The following QSER1 variants were observed in gnomAD, a reference collection of about 807,000 sequenced individuals.
QSER1 encodes glutamine and serine-rich protein 1.
QSER1 carries 49 observed loss-of-function variants against 158.5 expected under a neutral mutation model. The ratio of observed to expected loss-of-function variants is 0.31; its 90% CI spans 0.25 to 0.39. The LOEUF (loss-of-function observed/expected upper bound fraction) is 0.39, where lower values mean the gene tolerates loss of function less well. Ranked by LOEUF, QSER1 falls within the 10% of genes least tolerant of loss-of-function variation. The probability of loss-of-function intolerance (pLI) is 1.00; values close to 1 mark genes in which losing one functional copy is unlikely to be tolerated. For missense variants in QSER1, 1,754 were observed against 2,010.3 expected (o/e 0.87, Z 2.44); for synonymous variants, 650 against 715.5 (o/e 0.91, Z 1.46).
At chr11:32,974,218 C>T (rs984162895) in intron 11 of QSER1, among the ~76,000 whole-genome samples, 3 of 152,092 alleles carry the variant, frequency 2.0e-5, no homozygotes, top group African/African-American at 4.8e-5. Flanking sequence ...TCCAGGTGTT[C>T]GAGACCAGTC....
intron 1 of QSER1, among the ~76,000 whole-genome samples, chr11:32,922,410 A>G (rs1335167696): frequency 1.3e-5 from 2 of 151,994 alleles, no homozygotes; most frequent in Non-Finnish European, 2.9e-5. Flanking sequence ...ATATTTCAGT[A>G]GTACTTTTAC....
In QSER1 at chr11:32,931,739, A is replaced by G. The variant is rs1852049070; in HGVS notation, c.485-4A>G. 1 of 1,568,210 alleles carries G rather than the reference A, an allele frequency of 6.4e-7. No homozygotes were observed. The highest frequency in any genetic ancestry group is 8.6e-7 in the Non-Finnish European group (1 of 1,160,958). ...ATAAAAATCTTTGTGCCTTTTCTTCATAGGCATGCATTCCTCAGCAGCAAC... is the reference window on the plus strand; with the variant it reads ...ATAAAAATCTTTGTGCCTTTTCTTCGTAGGCATGCATTCCTCAGCAGCAAC... On this transcript the variant is annotated splice_polypyrimidine_tract_variant and splice_region_variant and intron_variant, in intron 3 of 12. Coordinates refer to ENST00000650167, the MANE Select transcript of QSER1 (RefSeq NM_001076786.3).
rs530216602 is a variant in QSER1 at position 32,979,742 on chromosome 11, A to G, written c.*3268A>G. On this transcript the variant is annotated 3_prime_UTR_variant, in exon 13 of 13. Coordinates refer to ENST00000650167, the MANE Select transcript of QSER1 (RefSeq NM_001076786.3). ...AAGTGTGATTTTCCTTTTAATATAC[A>G]TATTTATTTTCTTTAAAGCAGCTAT... 6.6e-6 allele frequency: 1 copy of G among 152,308 alleles called. No individual in the cohort carries two copies. Among genetic ancestry groups the G allele is most frequent in the East Asian group, 1.9e-4 (1 of 5,190 alleles). 9.4% of individuals were successfully genotyped at this position (152,308 alleles called of 1,614,324 possible). A position where few individuals can be genotyped will look rare whatever the true frequency, so the allele number is the denominator to read the frequency against.
At position 32,927,957 on chromosome 11, in the gene QSER1, T is replaced by G; in HGVS notation, c.323-5T>G. ...CTTTGGGATATATTTTATCTTCAAA[T>G]TTAGGTCTTTCTGGAATATTTGATA... is the stretch of plus-strand genomic sequence containing the variant. On this transcript the variant is annotated splice_region_variant and splice_polypyrimidine_tract_variant and intron_variant, in intron 2 of 12. Coordinates refer to ENST00000650167, the MANE Select transcript of QSER1 (RefSeq NM_001076786.3). 1.3e-6 allele frequency: 1 copy of G among 749,348 alleles called. No homozygotes were observed. The highest frequency in any genetic ancestry group is 2.2e-6 in the Non-Finnish European group (1 of 462,682). The allele number at this position is 749,348 out of a possible 1,614,324, so 46.4% of individuals were successfully genotyped here.
chr11:32,949,088 A>G (rs1852382704), intron 4 of QSER1, among the ~76,000 whole-genome samples: 1 of 152,154 alleles, frequency 6.6e-6, no homozygotes, highest in Non-Finnish European at 1.5e-5. Flanking sequence ...ATCATCATTA[A>G]TAGTCTTTTA....
rs751559220 is a variant in QSER1 at position 32,958,030 on chromosome 11, C to T, written c.4913C>T (p.Ser1638Leu). The T allele has an allele frequency of 6.2e-7, 1 of 1,614,108 alleles. No homozygotes were observed. Among genetic ancestry groups the T allele is most frequent in the East Asian group, 2.2e-5 (1 of 44,854 alleles). ...KKRKKWKEEFSSSQSDSSPEI... is the reference protein window; with the variant it reads ...KKRKKWKEEFLSSQSDSSPEI... The stretch of plus-strand genomic sequence containing the variant: ...CGGAAAAAATGGAAAGAAGAATTTT[C>T]ATCATCCCAATCTGACTCATCTCCT... The change falls in exon 8 of 13, where the codon TCA (serine) becomes TTA (leucine). Residue 1638 changes from serine to leucine, a missense_variant. This residue lies in a region of QSER1 where 1,707 missense variants were observed against 1,919.6 expected (regional missense o/e 0.89). Transcript: ENST00000650167.
intron 1 of QSER1, among the ~76,000 whole-genome samples, chr11:32,910,000 G>A (rs1012944301): frequency 8.5e-5 from 13 of 152,140 alleles, no homozygotes; most frequent in Admixed American, 8.5e-4. Context: ...ATGAAATCCA[G>A]ACTCATTGTG....
chr11:32,929,226 C>T (rs1679618562), intron 3 of QSER1, among the ~76,000 whole-genome samples: 1 of 152,098 alleles, frequency 6.6e-6, no homozygotes, highest in Admixed American at 6.6e-5. Flanking sequence ...ATTCTTGTGC[C>T]TCAGCCTCCT....
In QSER1 at chr11:32,924,030, C is replaced by T. The variant is rs201381940; in HGVS notation, c.210-3127C>T. ...CAAATTATACCTAATTTTTAAAAAG[C>T]GAAAATGTGAAAAATTTGAACCTTG... On this transcript the variant is annotated intron_variant, in intron 1 of 12. Transcript: ENST00000650167. Among the ~76,000 whole-genome samples, 38 of 152,134 alleles carry T rather than the reference C, an allele frequency of 2.5e-4. No individual in the cohort carries two copies. The East Asian group carries it at 6.4e-3, about 26-fold the overall frequency.
Position 32,893,055 on chromosome 11 carries a change from T to TC in QSER1, c.-71_-70insC, listed in dbSNP as rs1851502743. ...CTCTTCCTCCCCCGCCCCCTCTCCCTGCCCGCCCCCGTCACACGGAGCCCT... is the reference window on the plus strand; with the variant it reads ...CTCTTCCTCCCCCGCCCCCTCTCCCTCGCCCGCCCCCGTCACACGGAGCCCT... On this transcript the variant is annotated 5_prime_UTR_variant, in exon 1 of 13. Transcript: ENST00000650167. The surrounding 1 kb of genome is among the most constrained non-coding windows in gnomAD (Gnocchi z 4.7). 1.0e-4 allele frequency: 1 copy of TC among 9,730 alleles called. No homozygotes were observed. Among genetic ancestry groups the TC allele is most frequent in the Non-Finnish European group, 2.2e-4 (1 of 4,630 alleles). 0.6% of individuals were successfully genotyped at this position (9,730 alleles called of 1,614,324 possible).
chr11:32,921,233 A>G (rs1289899049), intron 1 of QSER1, among the ~76,000 whole-genome samples: 1 of 152,250 alleles, frequency 6.6e-6, no homozygotes, highest in Non-Finnish European at 1.5e-5. Context: ...TTAGTGAAAG[A>G]AGCCAGTCAT....
chr11:32,931,735 C>A lies in QSER1; in HGVS notation c.485-8C>A. On this transcript the variant is annotated splice_polypyrimidine_tract_variant and splice_region_variant and intron_variant, in intron 3 of 12. Transcript: ENST00000650167. ...TTACATAAAAATCTTTGTGCCTTTT[C>A]TTCATAGGCATGCATTCCTCAGCAG... 6.4e-7 allele frequency: 1 copy of A among 1,562,302 alleles called. No individual in the cohort carries two copies. The highest frequency in any genetic ancestry group is 8.6e-7 in the Non-Finnish European group (1 of 1,157,802).
At position 32,933,643 on chromosome 11, in the gene QSER1, T is replaced by A. The variant is rs143852134; in HGVS notation, c.2385T>A (p.Thr795=). ...AGAACTCAACTAATTTAATACAGAC[T>A]CCACAAATAAGGTTGAATACTAAAG... is the stretch of plus-strand genomic sequence containing the variant. The part of the protein sequence containing the change: ...DLKNSTNLIQ[T]PQIRLNTKDL... The change falls in exon 4 of 13, where the codon ACT becomes ACA. Residue 795 remains threonine, a synonymous_variant. Coordinates refer to ENST00000650167, the MANE Select transcript of QSER1 (RefSeq NM_001076786.3). 1 of 1,613,520 alleles carries A rather than the reference T, an allele frequency of 6.2e-7. No individual in the cohort carries two copies. Among genetic ancestry groups the A allele is most frequent in the Non-Finnish European group, 8.5e-7 (1 of 1,179,830 alleles).
At chr11:32,952,781 G>C (rs1852444711) in intron 4 of QSER1, among the ~76,000 whole-genome samples, 1 of 147,276 alleles carries the variant, frequency 6.8e-6, no homozygotes, top group Non-Finnish European at 1.5e-5. Context: ...GGGGTATTCA[G>C]ATTTTCTATT....
rs371281813 is a variant in QSER1 at position 32,924,560 on chromosome 11, CAAAAAAAA to C, written c.210-2585_210-2578del. Among the ~76,000 whole-genome samples, 131 of 58,520 alleles carry C rather than the reference CAAAAAAAA, an allele frequency of 2.2e-3. No homozygotes were observed. The Middle Eastern group carries it at 0.032, about 14-fold the overall frequency. The allele number at this position is 58,520 out of a possible 152,430, so 38.4% of individuals were successfully genotyped here. On this transcript the variant is annotated intron_variant, in intron 1 of 12. Transcript: ENST00000650167. ...GGGTGACCGGAGTGAGACCCTGTCT[CAAAAAAAA>C]AAAAAAAAAAAGGAATAAATAAAGA...
At chr11:32,940,339 T>C (rs1056787876) in intron 4 of QSER1, among the ~76,000 whole-genome samples, 1 of 152,196 alleles carries the variant, frequency 6.6e-6, no homozygotes, top group Non-Finnish European at 1.5e-5. Context: ...ATAGTTTTGC[T>C]TAGGGACTAT....
intron 4 of QSER1, among the ~76,000 whole-genome samples, chr11:32,938,194 GA>G (rs1201029090): frequency 6.6e-6 from 1 of 152,154 alleles, no homozygotes; most frequent in East Asian, 1.9e-4. Context: ...GGGACATGGT[GA>G]TACAGTCAGT....
chr11:32,940,092 T>G (rs1378408298), intron 4 of QSER1, among the ~76,000 whole-genome samples: 1 of 152,132 alleles, frequency 6.6e-6, no homozygotes, highest in Non-Finnish European at 1.5e-5. Context: ...AGGGGCCTTG[T>G]TTCTAGGTTC....
In QSER1 at chr11:32,976,911, C is replaced by G. The variant is rs544339851; in HGVS notation, c.*437C>G. 1 of 173,594 alleles carries G rather than the reference C, an allele frequency of 5.8e-6. No homozygotes were observed. The highest frequency in any genetic ancestry group is 2.4e-5 in the African/African-American group (1 of 41,558). The allele number at this position is 173,594 out of a possible 1,614,324, so 10.8% of individuals were successfully genotyped here. A position where few individuals can be genotyped will look rare whatever the true frequency, so the allele number is the denominator to read the frequency against. ...TTTGTACTCACATCTGGCCACAAAA[C>G]CAGAAATACTGTACATTATGTAAAG... On this transcript the variant is annotated 3_prime_UTR_variant, in exon 13 of 13. Transcript: ENST00000650167.
Sources: gnomAD v4.1 joint callset for allele counts (sites outside exome capture counted in the v4.1 genomes callset) on GRCh38, gnomAD v4.1.1 for gene constraint, gnomAD v4.1.1 regional missense constraint, Gnocchi (gnomAD v3.1) non-coding constraint, MANE v1.5 for transcripts, NCBI Gene and HGNC (gene_info 2026-07-23, HGNC 2026-07-21) for gene names.